The following GATAD2A variants were observed in gnomAD, a reference collection of about 807,000 sequenced individuals.
The protein encoded by GATAD2A is transcriptional repressor p66-alpha.
A neutral mutation model predicts 68.5 loss-of-function variants in GATAD2A; 12 were observed. The observed-to-expected ratio is 0.18, with a 90% CI of 0.11 to 0.28. The LOEUF is 0.28. Ranked by LOEUF, GATAD2A falls within the 10% of genes least tolerant of loss-of-function variation. The pLI, the probability that GATAD2A is intolerant of heterozygous loss-of-function variation, is 1.00. For synonymous variants in GATAD2A, 410 were observed against 375.3 expected (o/e 1.09, Z -1.07); for missense variants, 755 against 868.5 (o/e 0.87, Z 1.64).
intron 2 of GATAD2A, among the ~76,000 whole-genome samples, chr19:19,488,028 C>T (rs1336444217): frequency 1.3e-5 from 2 of 152,190 alleles, no homozygotes; most frequent in African/African-American, 2.4e-5. Flanking sequence ...CGAGGCCTCA[C>T]GAGCTACAGG....
intron 1 of GATAD2A, among the ~76,000 whole-genome samples, chr19:19,457,802 G>A (rs1484900539): frequency 6.6e-6 from 1 of 152,108 alleles, no homozygotes; most frequent in African/African-American, 2.4e-5. Context: ...TATCAGAGTG[G>A]CCACCTAGAC....
At chr19:19,490,322 C>G (rs979083726) in intron 2 of GATAD2A, among the ~76,000 whole-genome samples, 1 of 152,080 alleles carries the variant, frequency 6.6e-6, no homozygotes, top group Non-Finnish European at 1.5e-5. Context: ...ATTGGTGAAG[C>G]CTTAACCTCT....
rs1243407619 is a variant in GATAD2A, at chr19:19,419,024, G to GCCTGGGCTGTCTCTCAGGGTA, written c.-7+13024_-7+13025insTACCTGGGCTGTCTCTCAGGG. Among the ~76,000 whole-genome samples, 11 of 152,256 alleles carry GCCTGGGCTGTCTCTCAGGGTA rather than the reference G, an allele frequency of 7.2e-5. No homozygotes were observed. In the South Asian group the frequency reaches 2.3e-3, roughly 32 times the overall value. On this transcript the variant is annotated intron_variant, in intron 1 of 11. Transcript: ENST00000683918. The stretch of plus-strand genomic sequence containing the variant: ...CCACTCCAAAAGGCCTCCTAGCTGG[G>GCCTGGGCTGTCTCTCAGGGTA]CCTGGGCTGTCTCTCAGGGCCTGTA...
At chr19:19,410,532 G>T (rs1379693752) in intron 1 of GATAD2A, among the ~76,000 whole-genome samples, 1 of 152,202 alleles carries the variant, frequency 6.6e-6, no homozygotes, top group Non-Finnish European at 1.5e-5. Context: ...TCAGGACCTG[G>T]CGCTGCGTGG....
At chr19:19,388,777 C>G (rs1324983051) in intron 1 of GATAD2A, among the ~76,000 whole-genome samples, 2 of 152,062 alleles carry the variant, frequency 1.3e-5, no homozygotes, top group East Asian at 1.9e-4. Flanking sequence ...AACCTTCCCT[C>G]CCCGTGCTGA....
At chr19:19,488,372 G>C (rs1336306090) in intron 2 of GATAD2A, among the ~76,000 whole-genome samples, 1 of 152,232 alleles carries the variant, frequency 6.6e-6, no homozygotes, top group Non-Finnish European at 1.5e-5. Flanking sequence ...CTCAGCAGAT[G>C]TAAGGAATGA....
Position 19,431,015 on chromosome 19 carries a change from G to GTGTGTT in GATAD2A, c.-7+24999_-7+25000insGTTTGT, listed in dbSNP as rs1222055876. ...TGTGTGTGTGTGTGTGTGTGTGTGT[G>GTGTGTT]TGTAGTACCCAGGTGCAAGGTCAAA... On this transcript the variant is annotated intron_variant, in intron 1 of 11. Coordinates refer to ENST00000683918, the MANE Select transcript of GATAD2A (RefSeq NM_001384528.1). 2.7e-5 allele frequency among the ~76,000 whole-genome samples: 4 copies of GTGTGTT among 149,756 alleles called. No homozygotes were observed. In the East Asian group the frequency reaches 8.1e-4, roughly 30 times the overall value.
At chr19:19,451,416 G>A (rs1044222831) in intron 1 of GATAD2A, among the ~76,000 whole-genome samples, 11 of 152,272 alleles carry the variant, frequency 7.2e-5, no homozygotes, top group African/African-American at 2.4e-4. Context: ...CAGGCTCCTC[G>A]TGCTGCAGAA....
chr19:19,437,715 A>C (rs763380147), intron 1 of GATAD2A, among the ~76,000 whole-genome samples: 9 of 152,212 alleles, frequency 5.9e-5, no homozygotes, highest in Non-Finnish European at 1.2e-4. Context: ...GCCTTCTGTT[A>C]GCGTGGTTCA....
chr19:19,410,584 G>A (rs919505738), intron 1 of GATAD2A, among the ~76,000 whole-genome samples: 17 of 152,234 alleles, frequency 1.1e-4, no homozygotes, highest in African/African-American at 2.4e-5. Flanking sequence ...ACCTTGAAAC[G>A]TAGCCTAAAT....
At chr19:19,431,587 G>A (rs925720851) in intron 1 of GATAD2A, among the ~76,000 whole-genome samples, 5 of 150,622 alleles carry the variant, frequency 3.3e-5, no homozygotes, top group Admixed American at 6.6e-5. Flanking sequence ...CCAGCTGCTC[G>A]GGAGGCTGAG....
intron 1 of GATAD2A, among the ~76,000 whole-genome samples, chr19:19,439,483 G>C (rs1600127311): frequency 6.6e-6 from 1 of 152,180 alleles, no homozygotes; most frequent in Non-Finnish European, 1.5e-5. Context: ...CTAGTGATGG[G>C]AGTCAGGTAG....
At chr19:19,502,091 C>T (rs764926257) in intron 10 of GATAD2A, 48 bp downstream of exon 10, 22 of 1,391,378 alleles carry the variant, frequency 1.6e-5, no homozygotes, top group Middle Eastern at 1.8e-4. Context: ...CACCGCAGCC[C>T]GTGACCACGT....
intron 1 of GATAD2A, among the ~76,000 whole-genome samples, chr19:19,443,763 G>A (rs1339164389): frequency 6.6e-6 from 1 of 152,050 alleles, no homozygotes; most frequent in East Asian, 1.9e-4. Context: ...CTTTTCTCAG[G>A]GAGCTTCGTG....
chr19:19,424,474 C>T (rs1003788460), intron 1 of GATAD2A, among the ~76,000 whole-genome samples: 3 of 152,020 alleles, frequency 2.0e-5, no homozygotes, highest in Non-Finnish European at 4.4e-5. Flanking sequence ...AAGAGGTCTG[C>T]CCCCCTCAGC....
rs190525535 is a variant in GATAD2A at position 19,473,730 on chromosome 19, G to A, written c.269+8116G>A. ...AGGCGGGCAGATCACGAGGTCAGGA[G>A]ATCGAGACCATCCTGGCTAACATGG... On this transcript the variant is annotated intron_variant, in intron 2 of 11. Transcript: ENST00000683918. Among the ~76,000 whole-genome samples the A allele has an allele frequency of 6.5e-3, 966 of 149,460 alleles. 6 individuals carry two copies. The highest frequency in any genetic ancestry group is 0.011 in the Non-Finnish European group (723 of 67,652).
chr19:19,423,779 G>T (rs1284222743), intron 1 of GATAD2A, among the ~76,000 whole-genome samples: 2 of 152,184 alleles, frequency 1.3e-5, no homozygotes, highest in African/African-American at 2.4e-5. Flanking sequence ...GGTCTGCCAG[G>T]CCCTCCCACT....
upstream of GATAD2A, among the ~76,000 whole-genome samples, chr19:19,401,332 G>C (rs59928694): frequency 0.076 from 11,327 of 149,184 alleles, 1,465 homozygotes; most frequent in African/African-American, 0.26. Context: ...TCCTGCCTCA[G>C]CCTCCCGAGT....
intron 1 of GATAD2A, among the ~76,000 whole-genome samples, chr19:19,410,523 C>G (rs949986584): frequency 7.9e-5 from 12 of 152,226 alleles, no homozygotes; most frequent in African/African-American, 2.9e-4. Context: ...AGTTCCGTCT[C>G]AGGACCTGGC....
Sources: allele counts gnomAD v4.1 joint callset (sites outside exome capture counted in the v4.1 genomes callset), GRCh38; gene constraint gnomAD v4.1.1; transcripts MANE v1.5; gene names NCBI Gene and HGNC (gene_info 2026-07-23, HGNC 2026-07-21).